GALNTL6: variants seen among roughly 807,000 people sequenced by gnomAD.
GALNTL6 encodes the protein polypeptide N-acetylgalactosaminyltransferase-like 6.
GALNTL6 carries 46 observed loss-of-function variants against 73.7 expected under a neutral mutation model. The ratio of observed to expected loss-of-function variants is 0.62; its 90% CI spans 0.49 to 0.80. The LOEUF is 0.80. GALNTL6 is among the 30% of genes least tolerant of loss of function. The pLI is 0.00. For missense variants in GALNTL6, 604 were observed against 755.0 expected, an observed-to-expected ratio of 0.80 and a Z score of 2.34; for synonymous variants, 259 against 263.7, an observed-to-expected ratio of 0.98 and a Z score of 0.17.
At chr4:172,456,310 A>G (rs1579087931) in intron 5 of GALNTL6, among the ~76,000 whole-genome samples, 1 of 151,924 alleles carries the variant, frequency 6.6e-6, no homozygotes, top group African/African-American at 2.4e-5. Context: ...AAGGATCACA[A>G]CTCCTTGCCA....
intron 5 of GALNTL6, among the ~76,000 whole-genome samples, chr4:172,715,114 T>A (rs2111337892): frequency 6.6e-6 from 1 of 152,264 alleles, no homozygotes; most frequent in African/African-American, 2.4e-5. Flanking sequence ...AAATGGTGTA[T>A]CTACTACTTG....
intron 3 of GALNTL6, among the ~76,000 whole-genome samples, chr4:172,257,523 C>G (rs2111028704): frequency 6.6e-6 from 1 of 151,380 alleles, no homozygotes; most frequent in Admixed American, 6.6e-5. Flanking sequence ...GATTTGTGCT[C>G]TAGCTACAAA....
intron 2 of GALNTL6, among the ~76,000 whole-genome samples, chr4:171,818,200 A>C (rs1456584756): frequency 6.6e-6 from 1 of 151,784 alleles, no homozygotes; most frequent in Non-Finnish European, 1.5e-5. Flanking sequence ...TTAGGTCATA[A>C]GCTGTGAGTT....
chr4:172,250,391 T>A (rs1425320752), intron 3 of GALNTL6, among the ~76,000 whole-genome samples: 1 of 152,150 alleles, frequency 6.6e-6, no homozygotes, highest in Non-Finnish European at 1.5e-5. Context: ...AATGCTAGAA[T>A]GAGTTGACTT....
chr4:172,896,256 T>C (rs1025521351), intron 8 of GALNTL6, among the ~76,000 whole-genome samples: 1 of 152,248 alleles, frequency 6.6e-6, no homozygotes, highest in African/African-American at 2.4e-5. Flanking sequence ...TGTTTGTGCC[T>C]GTTCATTTTC....
At chr4:173,002,148 T>G (rs571977919) in intron 10 of GALNTL6, among the ~76,000 whole-genome samples, 1 of 152,262 alleles carries the variant, frequency 6.6e-6, no homozygotes, top group East Asian at 1.9e-4. Flanking sequence ...TCCCAGCACT[T>G]TGGGAGGCAG....
At chr4:171,850,247 A>C (rs2110859235) in intron 2 of GALNTL6, among the ~76,000 whole-genome samples, 1 of 152,246 alleles carries the variant, frequency 6.6e-6, no homozygotes, top group South Asian at 2.1e-4. Flanking sequence ...GCTGGGATTA[A>C]AAATTTAACA....
At chr4:172,050,914 C>T (rs1196025369) in intron 2 of GALNTL6, among the ~76,000 whole-genome samples, 3 of 152,100 alleles carry the variant, frequency 2.0e-5, no homozygotes, top group Admixed American at 6.6e-5. Flanking sequence ...AAAGAAGGAA[C>T]GCTAGCTAAG....
At chr4:172,711,238 G>A (rs1391967027) in intron 5 of GALNTL6, among the ~76,000 whole-genome samples, 2 of 152,100 alleles carry the variant, frequency 1.3e-5, no homozygotes, top group South Asian at 2.1e-4. Flanking sequence ...CTGTGGTCTG[G>A]GAAAAGCATT....
At chr4:172,803,875 C>T (rs545756581) in intron 5 of GALNTL6, among the ~76,000 whole-genome samples, 2 of 152,178 alleles carry the variant, frequency 1.3e-5, no homozygotes, top group African/African-American at 4.8e-5. Flanking sequence ...TAATTCTGTT[C>T]CTTTCTTAGA....
chr4:173,015,426 G>A (rs1752741479), intron 11 of GALNTL6, among the ~76,000 whole-genome samples: 1 of 152,212 alleles, frequency 6.6e-6, no homozygotes, highest in African/African-American at 2.4e-5. Flanking sequence ...ACAGGAAAAT[G>A]CAGGAAAGTT....
chr4:172,650,399 G>A (rs1740423956), intron 5 of GALNTL6, among the ~76,000 whole-genome samples: 2 of 152,100 alleles, frequency 1.3e-5, no homozygotes, highest in Admixed American at 1.3e-4. Context: ...TAACAGAAGA[G>A]AAGAGATATC....
chr4:171,851,512 T>C (rs889314555), intron 2 of GALNTL6, among the ~76,000 whole-genome samples: 2 of 152,198 alleles, frequency 1.3e-5, no homozygotes, highest in Non-Finnish European at 2.9e-5. Context: ...TCTTTTAACT[T>C]AGACTGCAGG....
chr4:172,298,056 A>G (rs552131131), intron 3 of GALNTL6, among the ~76,000 whole-genome samples: 1 of 152,258 alleles, frequency 6.6e-6, no homozygotes, highest in South Asian at 2.1e-4. Flanking sequence ...TTCTCCTTGA[A>G]GAGGTCCTTC....
intron 5 of GALNTL6, among the ~76,000 whole-genome samples, chr4:172,459,453 A>G (rs146739380): frequency 1.8e-3 from 278 of 152,330 alleles, no homozygotes; most frequent in Middle Eastern, 0.01. Context: ...ATGATTGTAT[A>G]TTTAGAAAAC....
At chr4:172,486,817 C>T (rs1056785907) in intron 5 of GALNTL6, among the ~76,000 whole-genome samples, 7 of 152,156 alleles carry the variant, frequency 4.6e-5, no homozygotes, top group Admixed American at 2.0e-4. Context: ...CTCTCACAAC[C>T]GTTTTTACAT....
intron 5 of GALNTL6, chr4:172,669,098 G>A (rs1177116632): frequency 1.3e-5 from 2 of 152,110 alleles, no homozygotes; most frequent in Non-Finnish European, 2.9e-5. Flanking sequence ...CCATCATTTG[G>A]GGTGTTGGAT....
intron 10 of GALNTL6, among the ~76,000 whole-genome samples, chr4:172,972,816 C>T (rs988422945): frequency 1.3e-5 from 2 of 151,944 alleles, no homozygotes; most frequent in Non-Finnish European, 2.9e-5. Flanking sequence ...AAAAAGTGAC[C>T]CCATTAATTA....
At chr4:171,960,675 G>T (rs1057010044) in intron 2 of GALNTL6, among the ~76,000 whole-genome samples, 5 of 128,288 alleles carry the variant, frequency 3.9e-5, no homozygotes, top group East Asian at 2.4e-4. Context: ...TCAGAGAAAT[G>T]ACTGTCTTTA....
Sources: gnomAD v4.1 joint callset for allele counts (sites outside exome capture counted in the v4.1 genomes callset) on GRCh38, gnomAD v4.1.1 for gene constraint, MANE v1.5 for transcripts, NCBI Gene and HGNC (gene_info 2026-07-23, HGNC 2026-07-21) for gene names.